The following COG4 variants were observed in gnomAD, a reference collection of about 807,000 sequenced individuals.
COG4 encodes the protein conserved oligomeric Golgi complex subunit 4.
A neutral mutation model predicts 95.1 loss-of-function variants in COG4; 65 were observed. The observed-to-expected ratio is 0.68, with a 90% confidence interval of 0.56 to 0.84. The LOEUF (loss-of-function observed/expected upper bound fraction) is 0.84, where lower values mean the gene tolerates loss of function less well. COG4 is among the 40% of genes least tolerant of loss of function. The pLI is 0.00. For synonymous variants in COG4, 421 were observed against 374.8 expected, an observed-to-expected ratio of 1.12 and a Z score of -1.42; for missense variants, 1,045 against 989.1, an observed-to-expected ratio of 1.06 and a Z score of -0.76.
intron 12 of COG4, among the ~76,000 whole-genome samples, chr16:70,493,711 T>C (rs1339528330): frequency 6.6e-6 from 1 of 152,106 alleles, no homozygotes; most frequent in East Asian, 1.9e-4. Flanking sequence ...GGTGCTCTGC[T>C]GCAGAGTTAG....
chr16:70,520,005 C>T, intron 1 of COG4, among the ~76,000 whole-genome samples: 1 of 152,108 alleles, frequency 6.6e-6, no homozygotes, highest in Non-Finnish European at 1.5e-5. Context: ...TACAGGAAGG[C>T]ATTTAAAATA....
chr16:70,503,784 C>T (rs895827735), intron 8 of COG4, among the ~76,000 whole-genome samples: 3 of 132,598 alleles, frequency 2.3e-5, no homozygotes, highest in South Asian at 2.1e-4. Context: ...TTAGTAGAGA[C>T]GGGGTTTCAC....
In COG4 at chr16:70,517,618, T is replaced by C; in HGVS notation, c.369+8A>G. The C allele has an allele frequency of 7.2e-7, 1 of 1,387,204 alleles. No individual in the cohort carries two copies. Among genetic ancestry groups the C allele is most frequent in the Non-Finnish European group, 1.0e-6 (1 of 988,492 alleles). The allele number at this position is 1,387,204 out of a possible 1,614,324, so 85.9% of individuals were successfully genotyped here. A position where few individuals can be genotyped will look rare whatever the true frequency, so the allele number is the denominator to read the frequency against. The stretch of plus-strand genomic sequence containing the variant: ...AAAAAAAAAAAAAAAAAAAGCTTGA[T>C]GTATTACCTTGGCCAGGTCAAGCTG... On this transcript the variant is annotated splice_region_variant and intron_variant, in intron 3 of 18. Transcript: ENST00000323786.
chr16:70,514,206 C>CAA, intron 4 of COG4, 129 bp downstream of exon 4: 2 of 934,970 alleles, frequency 2.1e-6, no homozygotes, highest in Non-Finnish European at 1.6e-6. Flanking sequence ...GACTCCGTCT[C>CAA]AAAAAAAAAG....
intron 3 of COG4, among the ~76,000 whole-genome samples, chr16:70,515,223 C>G (rs1185841176): frequency 6.6e-6 from 1 of 151,700 alleles, no homozygotes; most frequent in Admixed American, 6.6e-5. Context: ...GCCATGTTGC[C>G]CAAACCCAGG....
chr16:70,501,816 A>T (rs1337221986), intron 8 of COG4, among the ~76,000 whole-genome samples: 8 of 141,234 alleles, frequency 5.7e-5, no homozygotes, highest in Admixed American at 5.4e-4. Flanking sequence ...CCCACCTGGC[A>T]GATTTTTTTT....
intron 16 of COG4, 100 bp downstream of exon 16, chr16:70,481,992 C>T: frequency 7.4e-7 from 1 of 1,348,866 alleles, no homozygotes; most frequent in Non-Finnish European, 1.1e-6. Flanking sequence ...GTTGGAAGGG[C>T]TTTCAGGGTC....
At chr16:70,509,173 A>T in intron 7 of COG4, 58 bp downstream of exon 7, 1 of 1,599,108 alleles carries the variant, frequency 6.3e-7, no homozygotes, top group Non-Finnish European at 8.6e-7. Flanking sequence ...AATTTATTCT[A>T]CTCAGTGTTC....
chr16:70,521,594 T>C (rs911053955), intron 1 of COG4, among the ~76,000 whole-genome samples: 1 of 152,182 alleles, frequency 6.6e-6, no homozygotes, highest in South Asian at 2.1e-4. Flanking sequence ...GGAATACAAA[T>C]ACAGTACTTA....
intron 8 of COG4, among the ~76,000 whole-genome samples, chr16:70,504,526 G>C (rs2049519005): frequency 6.6e-6 from 1 of 151,502 alleles, no homozygotes; most frequent in Non-Finnish European, 1.5e-5. Context: ...AGAACTGCTT[G>C]ATCCTGGGAG....
chr16:70,498,174 C>G, intron 9 of COG4, 119 bp from the exon 10 acceptor site: 1 of 705,282 alleles, frequency 1.4e-6, no homozygotes. Flanking sequence ...TATTTTACAT[C>G]GTTACAATCA....
At chr16:70,481,964 G>T (rs2049006042) in intron 16 of COG4, 99 bp from the exon 17 acceptor site, 2 of 1,347,670 alleles carry the variant, frequency 1.5e-6, no homozygotes, top group East Asian at 4.7e-5. Context: ...GGCCACGGGG[G>T]AGTTTCTACA....
intron 6 of COG4, 40 bp downstream of exon 6, chr16:70,509,876 T>C (rs1041499582): frequency 1.5e-5 from 22 of 1,464,406 alleles, no homozygotes; most frequent in Non-Finnish European, 2.0e-5. Context: ...AGGTGTCATA[T>C]ACAGTCTCCA....
chr16:70,508,164 CTGCCTTGGTCTCCCAAAG>C (rs2049618762), intron 8 of COG4, among the ~76,000 whole-genome samples: 1 of 152,136 alleles, frequency 6.6e-6, no homozygotes, highest in African/African-American at 2.4e-5. Flanking sequence ...TGTGATCCGC[CTGCCTTGGTCTCCCAAAG>C]TGCTGGGATT....
intron 1 of COG4, among the ~76,000 whole-genome samples, 189 bp from the exon 2 acceptor site, chr16:70,519,920 TTATTCCACC>T (rs2049899902): frequency 6.6e-6 from 1 of 152,224 alleles, no homozygotes; most frequent in African/African-American, 2.4e-5. Flanking sequence ...TACGTATATC[TTATTCCACC>T]TGGCAGATGA....
Position 70,482,810 on chromosome 16 carries a change from C to A in COG4, c.1839G>T (p.Thr613=), listed in dbSNP as rs565871794. The change falls in exon 15 of 19, where the codon ACG becomes ACT. Residue 613 remains threonine (T), a synonymous_variant. Transcript: ENST00000323786. The stretch of plus-strand genomic sequence containing the variant: ...GCTTGATGGCTGTGCTGTTGAGCTC[C>A]GTCAGCCCTTCCTGCACAAGGACAA... The part of the protein sequence containing the change: ...KFRDLLQEGL[T]ELNSTAIKPQ... 3 of 1,613,608 alleles carry A rather than the reference C, an allele frequency of 1.9e-6. No individual in the cohort carries two copies. Among genetic ancestry groups the A allele is most frequent in the Admixed American group, 1.7e-5 (1 of 59,988 alleles).
chr16:70,516,617 A>G (rs1048352252), intron 3 of COG4, among the ~76,000 whole-genome samples: 1 of 151,958 alleles, frequency 6.6e-6, no homozygotes, highest in Admixed American at 6.6e-5. Flanking sequence ...CTTTATGTCT[A>G]TATTCATAAG....
intron 9 of COG4, among the ~76,000 whole-genome samples, chr16:70,500,336 G>A (rs1438824494): frequency 6.6e-6 from 1 of 150,996 alleles, no homozygotes; most frequent in Non-Finnish European, 1.5e-5. Context: ...GACTGAGAGG[G>A]ATGAGAGGAT....
chr16:70,482,830 G>T lies in COG4; in HGVS notation c.1828-9C>A. 1 of 1,610,902 alleles carries T rather than the reference G, an allele frequency of 6.2e-7. No homozygotes were observed. Among genetic ancestry groups the T allele is most frequent in the Non-Finnish European group, 8.5e-7 (1 of 1,177,368 alleles). ...AGCTCCGTCAGCCCTTCCTGCACAA[G>T]GACAAGGTGGAGACATGTGACACAG... On this transcript the variant is annotated splice_polypyrimidine_tract_variant and intron_variant, in intron 14 of 18. Transcript: ENST00000323786.
Sources: allele counts gnomAD v4.1 joint callset (sites outside exome capture counted in the v4.1 genomes callset), GRCh38; gene constraint gnomAD v4.1.1; transcripts MANE v1.5; gene names NCBI Gene and HGNC (gene_info 2026-07-23, HGNC 2026-07-21).